The following PHGDH variants were observed in gnomAD, a reference collection of about 807,000 sequenced individuals.
The protein encoded by PHGDH is phosphoglycerate dehydrogenase.
A neutral mutation model predicts 52.6 loss-of-function variants in PHGDH; 50 were observed. The ratio of observed to expected loss-of-function variants is 0.95; its 90% CI spans 0.76 to 1.20. The LOEUF is 1.20. Among genes scored for constraint, PHGDH ranks in the 50% most tolerant of loss-of-function variants. The probability of loss-of-function intolerance (pLI) is 0.00; values close to 1 mark genes in which losing one functional copy is unlikely to be tolerated. For missense variants in PHGDH, 630 were observed against 684.6 expected (o/e 0.92, Z 0.89); for synonymous variants, 271 against 280.5 (o/e 0.97, Z 0.34).
Position 119,722,141 on chromosome 1 carries a change from A to G in PHGDH, c.290+820A>G, listed in dbSNP as rs145204357. On this transcript the variant is annotated intron_variant, in intron 2 of 11. Coordinates refer to ENST00000641023, the MANE Select transcript of PHGDH (RefSeq NM_006623.4). ...TTCAACAGCAGAAATGTTAAACGAT[A>G]ACCCATCCCACATTCTTGCCTTGGA... 5.2e-3 allele frequency among the ~76,000 whole-genome samples: 789 copies of G among 152,300 alleles called. 8 individuals are homozygous for G. Among genetic ancestry groups the G allele is most frequent in the African/African-American group, 0.018 (737 of 41,562 alleles).
intron 5 of PHGDH, among the ~76,000 whole-genome samples, chr1:119,733,040 G>C (rs914925132): frequency 2.6e-5 from 4 of 152,194 alleles, no homozygotes; most frequent in African/African-American, 9.7e-5. Flanking sequence ...CCATCTCCTC[G>C]CCTGGACACT....
chr1:119,740,968 C>T (rs1053108863), intron 9 of PHGDH, among the ~76,000 whole-genome samples: 3 of 152,134 alleles, frequency 2.0e-5, no homozygotes, highest in East Asian at 1.9e-4. Context: ...GAGCCAGGAG[C>T]GGTGAGGACA....
intron 5 of PHGDH, chr1:119,727,737 G>A (rs1329352170): frequency 6.5e-6 from 1 of 154,226 alleles, no homozygotes; most frequent in Admixed American, 6.4e-5. Flanking sequence ...GGGAGGCTGA[G>A]GCAGGAGAAT....
chr1:119,741,991 G>A, intron 10 of PHGDH, 94 bp downstream of exon 10: 2 of 1,107,112 alleles, frequency 1.8e-6, no homozygotes, highest in Admixed American at 1.8e-5. Context: ...CGGAGGCCTA[G>A]GTCCCAGCCT....
At chr1:119,724,869 A>G in intron 3 of PHGDH, 1 of 456,648 alleles carries the variant, frequency 2.2e-6, no homozygotes, top group South Asian at 1.5e-5. Context: ...GACCTCACTC[A>G]TCAAAGGTGC....
chr1:119,723,557 T>C (rs1019129575), intron 3 of PHGDH, 116 bp downstream of exon 3: 8 of 823,816 alleles, frequency 9.7e-6, no homozygotes, highest in Non-Finnish European at 1.7e-5. Context: ...ACTTGCAGAC[T>C]GCTAAGAAGG....
chr1:119,742,468 C>T, intron 10 of PHGDH: 1 of 479,276 alleles, frequency 2.1e-6, no homozygotes, highest in Non-Finnish European at 3.8e-6. Flanking sequence ...GCCACTGATG[C>T]CGTGCAGGAG....
At chr1:119,718,775 T>C (rs1651032476) in intron 1 of PHGDH, among the ~76,000 whole-genome samples, 1 of 152,172 alleles carries the variant, frequency 6.6e-6, no homozygotes. Flanking sequence ...GCTGGTACTA[T>C]GGATATATGG....
intron 5 of PHGDH, among the ~76,000 whole-genome samples, chr1:119,731,431 C>A (rs1651684834): frequency 6.6e-6 from 1 of 152,166 alleles, no homozygotes; most frequent in Non-Finnish European, 1.5e-5. Context: ...GCTTTATGAT[C>A]AAGGTTTTCC....
rs1432614987 is a variant in PHGDH, at chr1:119,737,178, C to T, written c.857C>T (p.Ala286Val). 1.9e-6 allele frequency: 3 copies of T among 1,613,828 alleles called. No individual in the cohort carries two copies. The highest frequency in any genetic ancestry group is 2.5e-6 in the Non-Finnish European group (3 of 1,179,676). The change falls in exon 8 of 12, where the codon GCC becomes GTC. Residue 286 changes from alanine (A) to valine (V), a missense_variant. By Grantham distance (64) the Ala-to-Val change is moderately conservative. Coordinates refer to ENST00000641023, the MANE Select transcript of PHGDH (RefSeq NM_006623.4). ...GTCATCAGCTGTCCCCACCTGGGTGCCAGCACCAAGGAGGCTCAGAGCCGC... is the reference window on the plus strand; with the variant it reads ...GTCATCAGCTGTCCCCACCTGGGTGTCAGCACCAAGGAGGCTCAGAGCCGC... ...ENVISCPHLG[A>V]STKEAQSRCG... is the part of the protein sequence containing the mutation.
At chr1:119,724,817 C>T (rs1258230926) in intron 3 of PHGDH, 3 of 456,618 alleles carry the variant, frequency 6.6e-6, no homozygotes, top group South Asian at 3.1e-5. Flanking sequence ...CGGTGAAATG[C>T]TGTGGTTTAA....
In PHGDH at chr1:119,712,146, A is replaced by G. The variant is rs587727613; in HGVS notation, c.124A>G (p.Ile42Val). Reference sequence around the variant, plus strand: ...GCAGAACCTTAGCAAAGAGGAGCTGATAGCGGAGCTGCAGGTAAGGCGAGA... The same window carrying G: ...GCAGAACCTTAGCAAAGAGGAGCTGGTAGCGGAGCTGCAGGTAAGGCGAGA... Reference protein sequence around the residue: ...EKQNLSKEELIAELQDCEGLI... With the variant: ...EKQNLSKEELVAELQDCEGLI... Residue 42 changes from isoleucine to valine, a missense_variant, in exon 1 of 12, where the codon ATA becomes GTA. Transcript: ENST00000641023. 1 of 1,614,134 alleles carries G rather than the reference A, an allele frequency of 6.2e-7. No individual in the cohort carries two copies. Among genetic ancestry groups the G allele is most frequent in the Admixed American group, 1.7e-5 (1 of 60,024 alleles).
chr1:119,735,400 A>G lies in PHGDH; in HGVS notation c.749A>G (p.Gln250Arg), dbSNP rs1234813273. ...VDEGALLRAL[Q>R]SGQCAGAALD... Reference sequence around the variant, plus strand: ...GAAGGCGCCCTGCTCCGGGCCCTGCAGTCTGGCCAGTGTGCCGGGGCTGCA... The same window carrying G: ...GAAGGCGCCCTGCTCCGGGCCCTGCGGTCTGGCCAGTGTGCCGGGGCTGCA... The change falls in exon 7 of 12, where the codon CAG becomes CGG. Residue 250 changes from glutamine to arginine, a missense_variant. By Grantham distance (43) the Gln-to-Arg change is conservative (BLOSUM62 1). Transcript: ENST00000641023. 2 of 1,614,078 alleles carry G rather than the reference A, an allele frequency of 1.2e-6. No homozygotes were observed. Among genetic ancestry groups the G allele is most frequent in the Non-Finnish European group, 8.5e-7 (1 of 1,180,038 alleles).
In PHGDH at chr1:119,735,424, C is replaced by G; in HGVS notation, c.773C>G (p.Ala258Gly). The G allele has an allele frequency of 6.2e-7, 1 of 1,613,552 alleles. No homozygotes were observed. The highest frequency in any genetic ancestry group is 8.5e-7 in the Non-Finnish European group (1 of 1,180,034). The change falls in exon 7 of 12, where the codon GCA (alanine) becomes GGA (glycine). Residue 258 changes from alanine (A) to glycine (G), a missense_variant. Transcript: ENST00000641023. Reference protein sequence around the residue: ...ALQSGQCAGAALDVFTEEPPR... With the variant: ...ALQSGQCAGAGLDVFTEEPPR... ...CAGTCTGGCCAGTGTGCCGGGGCTGCACTGGACGTGTTTACGGAAGTAAGT... is the reference window on the plus strand; with the variant it reads ...CAGTCTGGCCAGTGTGCCGGGGCTGGACTGGACGTGTTTACGGAAGTAAGT...
intron 1 of PHGDH, chr1:119,712,388 C>T: frequency 1.9e-6 from 1 of 529,418 alleles, no homozygotes; most frequent in Non-Finnish European, 3.5e-6. Context: ...GCGTCTTTCA[C>T]GTTGGCATGC....
chr1:119,723,437 G>A lies in PHGDH; in HGVS notation c.352G>A (p.Ala118Thr). 6.2e-6 allele frequency: 10 copies of A among 1,612,608 alleles called. No individual in the cohort carries two copies. Among genetic ancestry groups the A allele is most frequent in the East Asian group, 2.2e-5 (1 of 44,822 alleles). ...CACTTGTGGAATGATCATGTGCCTGGCCAGGTAAGTCCCTGACTTCTCAGC... is the reference window on the plus strand; with the variant it reads ...CACTTGTGGAATGATCATGTGCCTGACCAGGTAAGTCCCTGACTTCTCAGC... ...ELTCGMIMCL[A>T]RQIPQATASM... The change falls in exon 3 of 12, where the codon GCC becomes ACC. Residue 118 changes from alanine (A) to threonine (T), a missense_variant. By Grantham distance (58) the Ala-to-Thr change is moderately conservative. Transcript: ENST00000641023.
Position 119,742,615 on chromosome 1 carries a change from G to C in PHGDH, c.1210-192G>C, listed in dbSNP as rs1571020334. 6.3e-6 allele frequency: 4 copies of C among 637,970 alleles called. No homozygotes were observed. In the East Asian group the frequency reaches 1.1e-4, roughly 17 times the overall value. 39.5% of individuals were successfully genotyped at this position (637,970 alleles called of 1,614,324 possible). A position where few individuals can be genotyped will look rare whatever the true frequency, so the allele number is the denominator to read the frequency against. On this transcript the variant is annotated intron_variant, in intron 10 of 11. Coordinates refer to ENST00000641023, the MANE Select transcript of PHGDH (RefSeq NM_006623.4). ...TTGCCCTCCCTTTAAGGAGATCATT[G>C]GCTGTTCCAGGAAGCTGATGCCGAA...
At chr1:119,713,015 T>C (rs941484643) in intron 1 of PHGDH, 2 of 152,276 alleles carry the variant, frequency 1.3e-5, no homozygotes, top group Admixed American at 6.5e-5. Flanking sequence ...TGTTGTGATA[T>C]ATAATTAATC....
chr1:119,725,283 A>G (rs587750885), intron 3 of PHGDH, among the ~76,000 whole-genome samples: 16 of 152,326 alleles, frequency 1.1e-4, no homozygotes, highest in African/African-American at 3.8e-4. Flanking sequence ...CTCCATGATC[A>G]GCTGGGAGCA....
Sources: gnomAD v4.1 joint callset for allele counts (sites outside exome capture counted in the v4.1 genomes callset) on GRCh38, gnomAD v4.1.1 for gene constraint, MANE v1.5 for transcripts, NCBI Gene and HGNC (gene_info 2026-07-23, HGNC 2026-07-21) for gene names.